The following VAV1 variants were observed in gnomAD, a reference collection of about 807,000 sequenced individuals.
VAV1 encodes the protein vav guanine nucleotide exchange factor 1, also known as proto-oncogene vav.
A neutral mutation model predicts 128.1 loss-of-function variants in VAV1; 33 were observed. The ratio of observed to expected loss-of-function variants is 0.26; its 90% confidence interval spans 0.20 to 0.34. The LOEUF (loss-of-function observed/expected upper bound fraction) is 0.34, where lower values mean the gene tolerates loss of function less well. Ranked by LOEUF, VAV1 falls within the 10% of genes least tolerant of loss-of-function variation. The pLI, the probability that VAV1 is intolerant of heterozygous loss-of-function variation, is 1.00. For missense variants in VAV1, 715 were observed against 1,093.7 expected (o/e 0.65, Z 4.88); for synonymous variants, 394 against 409.8 (o/e 0.96, Z 0.47).
intron 23 of VAV1, among the ~76,000 whole-genome samples, chr19:6,849,638 T>C (rs868160381): frequency 6.6e-6 from 1 of 152,070 alleles, no homozygotes; most frequent in Non-Finnish European, 1.5e-5. Flanking sequence ...TTTATGTCCA[T>C]GTGTACCCAA....
intron 1 of VAV1, among the ~76,000 whole-genome samples, chr19:6,818,855 C>T (rs1349898466): frequency 6.6e-6 from 1 of 152,170 alleles, no homozygotes; most frequent in Non-Finnish European, 1.5e-5. Flanking sequence ...GTGGCTCACA[C>T]CTGTAATCCC....
At chr19:6,810,835 G>A (rs1224501926) in intron 1 of VAV1, among the ~76,000 whole-genome samples, 1 of 152,188 alleles carries the variant, frequency 6.6e-6, no homozygotes, top group East Asian at 1.9e-4. Context: ...GGGAGAGCAA[G>A]TTTGAACTGG....
chr19:6,819,491 C>G (rs1971736596), intron 1 of VAV1, among the ~76,000 whole-genome samples: 1 of 152,210 alleles, frequency 6.6e-6, no homozygotes, highest in Admixed American at 6.5e-5. Flanking sequence ...TTGCTTCTTT[C>G]ACTGAGCATG....
intron 21 of VAV1, among the ~76,000 whole-genome samples, chr19:6,839,614 G>A (rs1050440325): frequency 2.0e-5 from 3 of 152,022 alleles, no homozygotes; most frequent in Non-Finnish European, 4.4e-5. Context: ...TTAGAACTAG[G>A]TAGAGGCGGT....
chr19:6,850,304 T>C (rs768137939), intron 23 of VAV1, among the ~76,000 whole-genome samples: 1 of 141,908 alleles, frequency 7.0e-6, no homozygotes, highest in Non-Finnish European at 1.5e-5. Context: ...CCTTTTAGTC[T>C]ATTTCCACCA....
Position 6,850,757 on chromosome 19 carries a change from G to A in VAV1, c.2217G>A (p.Thr739=), listed in dbSNP as rs1972654194. 5 of 1,613,818 alleles carry A rather than the reference G, an allele frequency of 3.1e-6. No homozygotes were observed. Among genetic ancestry groups the A allele is most frequent in the Non-Finnish European group, 4.2e-6 (5 of 1,179,936 alleles). ...ITEKKAFRGL[T]ELVEFYQQNS... Reference sequence around the variant, plus strand: ...AGAAAAAGGCTTTCCGGGGGCTTACGGTAAGGGTCAATGTCCGCTCAATCC... The same window carrying A: ...AGAAAAAGGCTTTCCGGGGGCTTACAGTAAGGGTCAATGTCCGCTCAATCC... The change falls in exon 24 of 27, where the codon ACG becomes ACA. Residue 739 remains threonine (T), a splice_region_variant and synonymous_variant. Coordinates refer to ENST00000602142, the MANE Select transcript of VAV1 (RefSeq NM_005428.4).
rs914689177 is a variant in VAV1, at chr19:6,825,050, C to T, written c.655-3C>T. 5.6e-5 allele frequency: 91 copies of T among 1,613,980 alleles called. No individual in the cohort carries two copies. Among genetic ancestry groups the T allele is most frequent in the Non-Finnish European group, 7.4e-5 (87 of 1,180,016 alleles). On this transcript the variant is annotated splice_region_variant and splice_polypyrimidine_tract_variant and intron_variant, in intron 6 of 26. Coordinates refer to ENST00000602142, the MANE Select transcript of VAV1 (RefSeq NM_005428.4). ...CCGTCATCTTTCTCTCCCTTCCCCG[C>T]AGCATTTCTTGAAGCCCCTGCAACG...
rs331678 is a variant in VAV1, at chr19:6,848,787, A to G, written c.2129+673A>G. Reference sequence around the variant, plus strand: ...CAGGAATTTCTAATTTTTTTAATTTAATTTTATTATTATTATTGTTATTTT... The same window carrying G: ...CAGGAATTTCTAATTTTTTTAATTTGATTTTATTATTATTATTGTTATTTT... On this transcript the variant is annotated intron_variant, in intron 23 of 26. Coordinates refer to ENST00000602142, the MANE Select transcript of VAV1 (RefSeq NM_005428.4). Among the ~76,000 whole-genome samples the G allele has an allele frequency of 3.3e-5, 5 of 149,414 alleles. No homozygotes were observed. In the East Asian group the frequency reaches 7.9e-4, roughly 24 times the overall value.
chr19:6,792,707 C>G (rs988350494), intron 1 of VAV1, among the ~76,000 whole-genome samples: 1 of 151,898 alleles, frequency 6.6e-6, no homozygotes, highest in Admixed American at 6.6e-5. Context: ...CCATGCATGT[C>G]CGGTGCATGG....
chr19:6,802,513 C>T (rs1202115733), intron 1 of VAV1, among the ~76,000 whole-genome samples: 1 of 152,046 alleles, frequency 6.6e-6, no homozygotes, highest in African/African-American at 2.4e-5. Context: ...GAATCATGCC[C>T]CCTTTCCCCT....
intron 1 of VAV1, among the ~76,000 whole-genome samples, chr19:6,786,165 C>T (rs1194161561): frequency 1.3e-5 from 2 of 152,014 alleles, no homozygotes; most frequent in Non-Finnish European, 2.9e-5. Flanking sequence ...TTTACGTCCC[C>T]CAGTGCTTTA....
At chr19:6,821,544 A>G in intron 2 of VAV1, 78 bp from the exon 3 acceptor site, 2 of 1,563,128 alleles carry the variant, frequency 1.3e-6, no homozygotes, top group East Asian at 2.2e-5. Context: ...CGCCTCAGAC[A>G]GAGCCTTGCA....
chr19:6,847,936 T>C, intron 22 of VAV1, 62 bp from the exon 23 acceptor site: 5 of 1,397,634 alleles, frequency 3.6e-6, no homozygotes, highest in East Asian at 5.6e-5. Flanking sequence ...AACCTCCATA[T>C]GGCAATATGG....
chr19:6,797,869 G>A (rs1971174003), intron 1 of VAV1, among the ~76,000 whole-genome samples: 5 of 151,218 alleles, frequency 3.3e-5, no homozygotes, highest in Admixed American at 3.3e-4. Flanking sequence ...CACTCCCTAA[G>A]CTGATAGTCA....
In VAV1 at chr19:6,850,701, A is replaced by T. The variant is rs149330066; in HGVS notation, c.2161A>T (p.Met721Leu). ...YNVEVKHIKI[M>L]TAEGLYRITE... ...CGTCGAGGTCAAGCACATTAAAATC[A>T]TGACAGCAGAAGGACTGTACCGGAT... Residue 721 changes from methionine (M) to leucine (L), a missense_variant, in exon 24 of 27, where the codon ATG becomes TTG. Physicochemically the swap from Met to Leu is conservative, Grantham distance 15 (BLOSUM62 2). This residue lies in a region of VAV1 where 407 missense variants were observed against 580.6 expected (regional missense o/e 0.70). Transcript: ENST00000602142. The T allele has an allele frequency of 7.2e-5, 117 of 1,614,084 alleles. No individual in the cohort carries two copies. In the African/African-American group the frequency reaches 1.5e-3, roughly 20 times the overall value.
rs758179488 is a variant in VAV1 at position 6,857,144 on chromosome 19, G to C, written c.*37G>C. 1.2e-6 allele frequency: 2 copies of C among 1,613,414 alleles called. No individual in the cohort carries two copies. Among genetic ancestry groups the C allele is most frequent in the South Asian group, 2.2e-5 (2 of 91,026 alleles). On this transcript the variant is annotated 3_prime_UTR_variant, in exon 27 of 27. Coordinates refer to ENST00000602142, the MANE Select transcript of VAV1 (RefSeq NM_005428.4). ...TTGGCAGAGAGACGAGAAACTCCAG[G>C]CTCTGAGCCCGGCGTGGGCAGGCAG...
At chr19:6,825,152 T>C (rs1971886799) in intron 7 of VAV1, 31 bp downstream of exon 7, 2 of 1,606,084 alleles carry the variant, frequency 1.2e-6, no homozygotes, top group Non-Finnish European at 1.7e-6. Flanking sequence ...CCCTCTTGGG[T>C]CTGTCTAGTG....
intron 24 of VAV1, among the ~76,000 whole-genome samples, chr19:6,852,593 C>T (rs111817611): frequency 6.8e-4 from 103 of 151,342 alleles, no homozygotes; most frequent in African/African-American, 9.9e-4. Flanking sequence ...TAGTGGCGGG[C>T]GCCTGTAGTC....
rs116783768 is a variant in VAV1, at chr19:6,833,313, T to C, written c.1610+28T>C. The stretch of plus-strand genomic sequence containing the variant: ...GAGAATCTGGGAGGAGGGTCCTGCA[T>C]ACCGGACTTGGTCATCAGTTCCTTG... On this transcript the variant is annotated intron_variant, in intron 16 of 26. Coordinates refer to ENST00000602142, the MANE Select transcript of VAV1 (RefSeq NM_005428.4). The C allele has an allele frequency of 2.1e-4, 328 of 1,589,594 alleles. 3 individuals are homozygous for C. The African/African-American group carries it at 4.0e-3, about 19-fold the overall frequency.
Sources: gnomAD v4.1 joint callset for allele counts (sites outside exome capture counted in the v4.1 genomes callset) on GRCh38, gnomAD v4.1.1 for gene constraint, gnomAD v4.1.1 regional missense constraint, MANE v1.5 for transcripts, NCBI Gene and HGNC (gene_info 2026-07-23, HGNC 2026-07-21) for gene names.